The following WDFY3 variants were observed in gnomAD, a reference collection of about 807,000 sequenced individuals.
WDFY3 encodes the protein WD repeat and FYVE domain-containing protein 3.
A neutral mutation model predicts 409.6 loss-of-function variants in WDFY3; 66 were observed. That is an observed-to-expected ratio of 0.16 (90% CI 0.13 to 0.20). The LOEUF (loss-of-function observed/expected upper bound fraction) is 0.20. Among genes scored for constraint, WDFY3 ranks in the 10% least tolerant of loss-of-function variants. The pLI is 1.00. For missense variants in WDFY3, 3,031 were observed against 4,298.1 expected, an observed-to-expected ratio of 0.71 and a Z score of 8.24; for synonymous variants, 1,521 against 1,537.1, an observed-to-expected ratio of 0.99 and a Z score of 0.25.
intron 32 of WDFY3, 144 bp downstream of exon 32, chr4:84,765,666 T>G (rs1275158999): frequency 1.5e-6 from 1 of 656,470 alleles, no homozygotes; most frequent in African/African-American, 1.8e-5. Flanking sequence ...ATTTGAAATC[T>G]TGTAAGCTCT....
At chr4:84,696,888 TA>T in intron 56 of WDFY3, 65 bp from the exon 57 acceptor site, 3 of 1,401,604 alleles carry the variant, frequency 2.1e-6, no homozygotes, top group Non-Finnish European at 3.0e-6. Flanking sequence ...AACTTTATAT[TA>T]ATCTGACTGA....
In WDFY3 at chr4:84,783,029, G is replaced by C. The variant is rs567593703; in HGVS notation, c.4108C>G (p.His1370Asp). 37 of 1,614,016 alleles carry C rather than the reference G, an allele frequency of 2.3e-5. No individual in the cohort carries two copies. Among genetic ancestry groups the C allele is most frequent in the Non-Finnish European group, 2.8e-5 (33 of 1,180,022 alleles). The change falls in exon 25 of 68, where the codon CAC becomes GAC. Residue 1370 changes from histidine to aspartate, a missense_variant. Coordinates refer to ENST00000295888, the MANE Select transcript of WDFY3 (RefSeq NM_014991.6). ...CCATTAAGATGTCCTGCTGAATTGT[G>C]TATCAACTTCACAGGAGTGGCATTC... ...HENATPVKLIHNSAGHLNGSA... is the reference protein window; with the variant it reads ...HENATPVKLIDNSAGHLNGSA...
chr4:84,908,412 A>G (rs566045569), intron 2 of WDFY3, among the ~76,000 whole-genome samples: 74 of 152,346 alleles, frequency 4.9e-4, no homozygotes, highest in African/African-American at 1.6e-3. Context: ...ATAATATGCA[A>G]ATATTCAGAA....
rs748324339 is a variant in WDFY3, at chr4:84,787,608, C to T, written c.3775G>A (p.Ala1259Thr). ...GGTCCCAGGCGCCAAACCAATGAGG[C>T]AATTTGGCGTTGGGCAGGTGGAGTA... is the stretch of plus-strand genomic sequence containing the variant. ...IGTPPAQRQIASLVWRLGPTH... is the reference protein window; with the variant it reads ...IGTPPAQRQITSLVWRLGPTH... Residue 1259 changes from alanine (A) to threonine (T), a missense_variant, in exon 23 of 68, where the codon GCC becomes ACC. Physicochemically the swap from Ala to Thr is moderately conservative, Grantham distance 58 (BLOSUM62 0). Coordinates refer to ENST00000295888, the MANE Select transcript of WDFY3 (RefSeq NM_014991.6). The T allele has an allele frequency of 1.2e-6, 2 of 1,614,158 alleles. No individual in the cohort carries two copies. The highest frequency in any genetic ancestry group is 2.2e-5 in the East Asian group (1 of 44,862).
chr4:84,741,742 G>A lies in WDFY3; in HGVS notation c.6234+19C>T. 6.3e-7 allele frequency: 1 copy of A among 1,589,724 alleles called. No homozygotes were observed. The highest frequency in any genetic ancestry group is 1.1e-5 in the South Asian group (1 of 88,562). On this transcript the variant is annotated intron_variant, in intron 38 of 67. Transcript: ENST00000295888. ...ACAGGAAAACATGTACTCTACAACT[G>A]ATAGTGACAATGGATTACCTGTGCA...
Position 84,678,293 on chromosome 4 carries a change from G to A in WDFY3, c.10148-14C>T. ...CCCATCGGTACCCTGGAATGGAGAA[G>A]TGGAGGACACAACATAACTCAACTG... On this transcript the variant is annotated splice_polypyrimidine_tract_variant and intron_variant, in intron 65 of 67. Coordinates refer to ENST00000295888, the MANE Select transcript of WDFY3 (RefSeq NM_014991.6). The A allele has an allele frequency of 1.9e-6, 3 of 1,593,234 alleles. No individual in the cohort carries two copies. Among genetic ancestry groups the A allele is most frequent in the Non-Finnish European group, 2.6e-6 (3 of 1,161,082 alleles).
intron 3 of WDFY3, among the ~76,000 whole-genome samples, chr4:84,893,953 C>T (rs1403072393): frequency 1.3e-5 from 2 of 151,432 alleles, no homozygotes; most frequent in Non-Finnish European, 2.9e-5. Context: ...TGCGCCATTG[C>T]ACTCCAGCCT....
intron 7 of WDFY3, among the ~76,000 whole-genome samples, chr4:84,832,249 T>C (rs1453932765): frequency 6.6e-6 from 1 of 152,124 alleles, no homozygotes; most frequent in African/African-American, 2.4e-5. Flanking sequence ...GAAAGATGAA[T>C]ATTGAATGCT....
intron 4 of WDFY3, among the ~76,000 whole-genome samples, chr4:84,859,131 C>A (rs1455925301): frequency 2.0e-5 from 3 of 151,824 alleles, no homozygotes; most frequent in Non-Finnish European, 2.9e-5. Context: ...CAAAGACATG[C>A]AGAGAAAGAA....
chr4:84,917,042 A>G (rs1251018710), intron 2 of WDFY3, among the ~76,000 whole-genome samples: 1 of 152,202 alleles, frequency 6.6e-6, no homozygotes, highest in African/African-American at 2.4e-5. Context: ...TATTTTATAT[A>G]TCACACACAC....
At chr4:84,720,464 A>G (rs1734671869) in intron 47 of WDFY3, among the ~76,000 whole-genome samples, 1 of 152,146 alleles carries the variant, frequency 6.6e-6, no homozygotes, top group African/African-American at 2.4e-5. Flanking sequence ...TCCCCTCCAC[A>G]TCTCATGTTG....
intron 22 of WDFY3, 148 bp from the exon 23 acceptor site, chr4:84,787,861 G>C: frequency 1.4e-6 from 1 of 699,468 alleles, no homozygotes; most frequent in Non-Finnish European, 2.4e-6. Context: ...GGAAGGGCAA[G>C]GCACGATACT....
chr4:84,821,577 A>G (rs954526127), intron 10 of WDFY3, 26 bp from the exon 11 acceptor site: 4 of 1,571,360 alleles, frequency 2.5e-6, no homozygotes, highest in Non-Finnish European at 3.5e-6. Context: ...AAAACATAAA[A>G]GTAGGTACTA....
At chr4:84,695,681 T>C (rs905318247) in intron 58 of WDFY3, among the ~76,000 whole-genome samples, 4 of 152,180 alleles carry the variant, frequency 2.6e-5, no homozygotes, top group African/African-American at 4.8e-5. Flanking sequence ...ACCTTGTCTC[T>C]GTGTATGTGG....
intron 7 of WDFY3, among the ~76,000 whole-genome samples, chr4:84,836,281 T>G (rs867526346): frequency 7.9e-5 from 12 of 152,196 alleles, no homozygotes; most frequent in African/African-American, 2.7e-4. Flanking sequence ...TCAAATGTTG[T>G]TTTTTTAATA....
chr4:84,846,745 A>T (rs1578792708), intron 5 of WDFY3, among the ~76,000 whole-genome samples: 1 of 151,848 alleles, frequency 6.6e-6, no homozygotes, highest in Non-Finnish European at 1.5e-5. Flanking sequence ...TAAGAACAAG[A>T]ACAGAATAAG....
chr4:84,691,577 T>C (rs374209604), intron 60 of WDFY3, 54 bp downstream of exon 60: 7 of 1,586,660 alleles, frequency 4.4e-6, no homozygotes, highest in East Asian at 2.2e-5. Flanking sequence ...TCATATAGGA[T>C]AGCCAGACCA....
intron 3 of WDFY3, among the ~76,000 whole-genome samples, chr4:84,874,648 C>T (rs755475048): frequency 6.6e-6 from 1 of 152,110 alleles, no homozygotes; most frequent in African/African-American, 2.4e-5. Context: ...ATGCCCCCTC[C>T]TCTGCTTTTC....
intron 36 of WDFY3, among the ~76,000 whole-genome samples, chr4:84,746,298 CA>C (rs1233209759): frequency 6.6e-6 from 1 of 151,868 alleles, no homozygotes; most frequent in Non-Finnish European, 1.5e-5. Flanking sequence ...GACTATGCAA[CA>C]GACCAAGATC....
Sources: allele counts gnomAD v4.1 joint callset (sites outside exome capture counted in the v4.1 genomes callset), GRCh38; gene constraint gnomAD v4.1.1; transcripts MANE v1.5; gene names NCBI Gene and HGNC (gene_info 2026-07-23, HGNC 2026-07-21).